The following DCHS1 variants were observed in gnomAD, a reference collection of about 807,000 sequenced individuals.
DCHS1 encodes the protein dachsous cadherin-related 1.
Under a neutral mutation model 213.9 loss-of-function variants are expected in DCHS1, and 78 were observed. That is an observed-to-expected ratio of 0.36 (90% CI 0.30 to 0.44). The LOEUF (loss-of-function observed/expected upper bound fraction) is 0.44. Among genes scored for constraint, DCHS1 ranks in the 20% least tolerant of loss-of-function variants. The probability of loss-of-function intolerance (pLI) is 1.00; values close to 1 mark genes in which losing one functional copy is unlikely to be tolerated. For synonymous variants in DCHS1, 1,828 were observed against 1,873.7 expected (o/e 0.98, Z 0.63); for missense variants, 3,946 against 4,395.9 (o/e 0.90, Z 2.89).
Position 6,622,201 on chromosome 11 carries a change from C to T in DCHS1, c.9475G>A (p.Gly3159Ser). The change falls in exon 21 of 21, where the codon GGC becomes AGC. Residue 3159 changes from glycine (G) to serine (S), a missense_variant. Gly to Ser is a moderately conservative substitution (Grantham distance 56). Transcript: ENST00000299441. The surrounding 1 kb of genome is among the most constrained non-coding windows in gnomAD (Gnocchi z 5.4). ...AGCAGGTAGTCCCAGTTATAGCTGC[C>T]ACGGAGCTCCTCCTCGCCGGCCACA... Reference protein sequence around the residue: ...AIVAGEEELRGSYNWDYLLSW... With the variant: ...AIVAGEEELRSSYNWDYLLSW... 1 of 1,604,658 alleles carries T rather than the reference C, an allele frequency of 6.2e-7. No homozygotes were observed. The highest frequency in any genetic ancestry group is 8.5e-7 in the Non-Finnish European group (1 of 1,177,270).
intron 1 of DCHS1, among the ~76,000 whole-genome samples, chr11:6,645,611 T>C (rs1856143114): frequency 6.6e-6 from 1 of 152,202 alleles, no homozygotes; most frequent in Non-Finnish European, 1.5e-5. Context: ...AAGCAATCTA[T>C]GAATGGTTTG....
chr11:6,638,962 A>C, intron 2 of DCHS1, among the ~76,000 whole-genome samples: 1 of 151,978 alleles, frequency 6.6e-6, no homozygotes, highest in East Asian at 1.9e-4. Context: ...AATACAAAAA[A>C]TTAGCTGGGT....
Position 6,626,407 on chromosome 11 carries a change from T to C in DCHS1, c.6365-27A>G, listed in dbSNP as rs1212890954. 5 of 1,609,766 alleles carry C rather than the reference T, an allele frequency of 3.1e-6. No individual in the cohort carries two copies. Among genetic ancestry groups the C allele is most frequent in the Non-Finnish European group, 4.2e-6 (5 of 1,177,464 alleles). On this transcript the variant is annotated intron_variant, in intron 15 of 20. Transcript: ENST00000299441. This position sits in a 1 kb window ranked among gnomAD's most constrained non-coding sequence, Gnocchi z 5.2. ...TGGGCGAGATAGAATGCATCAGTGATAGCCCCCTTTGCTTGCCCTGGAGCC... is the reference window on the plus strand; with the variant it reads ...TGGGCGAGATAGAATGCATCAGTGACAGCCCCCTTTGCTTGCCCTGGAGCC...
chr11:6,632,227 G>A lies in DCHS1; in HGVS notation c.3285C>T (p.Ile1095=), dbSNP rs545225718. Reference sequence around the variant, plus strand: ...GGGGACTGTGTTCATTCTGGTTGAGGATGCTGACCCTCACGGTGGCTGTGC... The same window carrying A: ...GGGGACTGTGTTCATTCTGGTTGAGAATGCTGACCCTCACGGTGGCTGTGC... ...QTGTATVRVS[I]LNQNEHSPRL... Residue 1095 remains isoleucine, a synonymous_variant, in exon 6 of 21, where the codon ATC becomes ATT. Transcript: ENST00000299441. The surrounding 1 kb of genome is among the most constrained non-coding windows in gnomAD (Gnocchi z 5.9). The A allele has an allele frequency of 6.2e-7, 1 of 1,613,366 alleles. No individual in the cohort carries two copies.
In DCHS1 at chr11:6,621,845, G is replaced by A. The variant is rs746802681; in HGVS notation, c.9831C>T (p.Pro3277=). ...VVSPFGVAQG[P]SASALSAESG... ...ACTCTGCGCTGAGTGCTGAGGCTGA[G>A]GGACCCTGGGCCACCCCAAATGGTG... Residue 3277 remains proline (P), a synonymous_variant, in exon 21 of 21, where the codon CCC becomes CCT. Coordinates refer to ENST00000299441, the MANE Select transcript of DCHS1 (RefSeq NM_003737.4). 5.0e-6 allele frequency: 8 copies of A among 1,610,644 alleles called. No individual in the cohort carries two copies. In the South Asian group the frequency reaches 8.9e-5, roughly 18 times the overall value.
rs1396717447 is a variant in DCHS1, at chr11:6,623,291, G to A, written c.8385C>T (p.Ala2795=). ...TCACTAGCACCGACACAGTGACAGA[G>A]GCTGAGAGATTCCCAGCATCAGCAG... is the stretch of plus-strand genomic sequence containing the variant. ...VGAADAGNLS[A]SVTVSVLVTG... is the part of the protein sequence containing the mutation. Residue 2795 remains alanine, a synonymous_variant, in exon 21 of 21, where the codon GCC becomes GCT. Transcript: ENST00000299441. 1.9e-6 allele frequency: 3 copies of A among 1,588,644 alleles called. No homozygotes were observed. The highest frequency in any genetic ancestry group is 2.6e-6 in the Non-Finnish European group (3 of 1,167,368).
At position 6,622,402 on chromosome 11, in the gene DCHS1, C is replaced by A; in HGVS notation, c.9274G>T (p.Gly3092Cys). ...GGCAGCAGCAGCCCTGCCTTTCGGC[C>A]CTTATACCAGGTGTCAGGGGCAGGT... is the stretch of plus-strand genomic sequence containing the variant. Reference protein sequence around the residue: ...EPPAPDTWYKGRKAGLLLPGA... With the variant: ...EPPAPDTWYKCRKAGLLLPGA... Residue 3092 changes from glycine (G) to cysteine (C), a missense_variant, in exon 21 of 21, where the codon GGC becomes TGC. Physicochemically the swap from Gly to Cys is radical, Grantham distance 159 (BLOSUM62 -3). Coordinates refer to ENST00000299441, the MANE Select transcript of DCHS1 (RefSeq NM_003737.4). The surrounding 1 kb of genome is among the most constrained non-coding windows in gnomAD (Gnocchi z 5.4). The A allele has an allele frequency of 1.3e-6, 2 of 1,556,778 alleles. No individual in the cohort carries two copies. Among genetic ancestry groups the A allele is most frequent in the South Asian group, 1.2e-5 (1 of 84,236 alleles).
At chr11:6,638,096 G>T (rs902695084) in intron 2 of DCHS1, among the ~76,000 whole-genome samples, 1 of 152,172 alleles carries the variant, frequency 6.6e-6, no homozygotes, top group African/African-American at 2.4e-5. Flanking sequence ...GAGTAAACAC[G>T]TGGAAGAGTG....
Position 6,628,674 on chromosome 11 carries a change from C to T in DCHS1, c.5318G>A (p.Arg1773Gln), listed in dbSNP as rs746615927. 6.8e-6 allele frequency: 11 copies of T among 1,613,972 alleles called. No individual in the cohort carries two copies. Among genetic ancestry groups the T allele is most frequent in the South Asian group, 3.3e-5 (3 of 91,078 alleles). ...GGCTCCCACATCTGGATCAGAGGCC[C>T]GAAGCATGGTAAGGGTCTGGGGGTC... is the stretch of plus-strand genomic sequence containing the variant. Reference protein sequence around the residue: ...GQDPQTLTMLRASDPDVGANG... With the variant: ...GQDPQTLTMLQASDPDVGANG... Residue 1773 changes from arginine (R) to glutamine (Q), a missense_variant, in exon 13 of 21, where the codon CGG becomes CAG. Coordinates refer to ENST00000299441, the MANE Select transcript of DCHS1 (RefSeq NM_003737.4). This position sits in a 1 kb window ranked among gnomAD's most constrained non-coding sequence, Gnocchi z 4.3.
chr11:6,640,148 C>T lies in DCHS1; in HGVS notation c.1466G>A (p.Gly489Asp), dbSNP rs375936378. The change falls in exon 2 of 21, where the codon GGC (glycine) becomes GAC (aspartate). Residue 489 changes from glycine (G) to aspartate (D), a missense_variant. Coordinates refer to ENST00000299441, the MANE Select transcript of DCHS1 (RefSeq NM_003737.4). This position sits in a 1 kb window ranked among gnomAD's most constrained non-coding sequence, Gnocchi z 6.5. The stretch of plus-strand genomic sequence containing the variant: ...AGCAGTCACCCGCACTACAAAGCTG[C>T]CAGGCAGCGCAACCTCAGGCAGGGG... ...PEPLPEVALP[G>D]SFVVRVTARD... is the part of the protein sequence containing the mutation. 10 of 1,613,612 alleles carry T rather than the reference C, an allele frequency of 6.2e-6. No homozygotes were observed.
In DCHS1 at chr11:6,641,888, A is replaced by G. The variant is rs1856082110; in HGVS notation, c.-120-155T>C. ...CTTGGGCCACACGGATCTCTGCCTC[A>G]GGACTCTTCGAGGCCACTCCAGCCT... On this transcript the variant is annotated intron_variant, in intron 1 of 20. Coordinates refer to ENST00000299441, the MANE Select transcript of DCHS1 (RefSeq NM_003737.4). The surrounding 1 kb of genome is among the most constrained non-coding windows in gnomAD (Gnocchi z 7.1). 6.6e-6 allele frequency among the ~76,000 whole-genome samples: 1 copy of G among 152,162 alleles called. No individual in the cohort carries two copies. The highest frequency in any genetic ancestry group is 2.4e-5 in the African/African-American group (1 of 41,446).
In DCHS1 at chr11:6,628,945, T is replaced by C. The variant is rs1255989540; in HGVS notation, c.5162-115A>G. The C allele has an allele frequency of 1.2e-5, 13 of 1,053,100 alleles. No homozygotes were observed. The highest frequency in any genetic ancestry group is 4.5e-4 in the Middle Eastern group (2 of 4,410). 65.2% of individuals were successfully genotyped at this position (1,053,100 alleles called of 1,614,324 possible). ...GCACACAAACCAGAAAATGTCCATC[T>C]CTCCATACCTCTCAGGCACACATGT... On this transcript the variant is annotated intron_variant, in intron 12 of 20. Transcript: ENST00000299441. The surrounding 1 kb of genome is among the most constrained non-coding windows in gnomAD (Gnocchi z 4.3).
Position 6,632,817 on chromosome 11 carries a change from C to G in DCHS1, c.2695G>C (p.Asp899His). Residue 899 changes from aspartate to histidine, a missense_variant, in exon 6 of 21, where the codon GAC becomes CAC. Asp to His is a moderately conservative substitution (Grantham distance 81, BLOSUM62 -1). Coordinates refer to ENST00000299441, the MANE Select transcript of DCHS1 (RefSeq NM_003737.4). The surrounding 1 kb of genome is among the most constrained non-coding windows in gnomAD (Gnocchi z 5.9). Reference sequence around the variant, plus strand: ...GTGTTTGGTGGTAGCAATACCGTGTCTTCAGGTGCAGGAAAGGCAGGGGAG... The same window carrying G: ...GTGTTTGGTGGTAGCAATACCGTGTGTTCAGGTGCAGGAAAGGCAGGGGAG... ...DNSPAFPAPE[D>H]TVLLPPNTAP... 6.2e-7 allele frequency: 1 copy of G among 1,613,982 alleles called. No homozygotes were observed. Among genetic ancestry groups the G allele is most frequent in the Non-Finnish European group, 8.5e-7 (1 of 1,179,872 alleles).
rs749886693 is a variant in DCHS1, at chr11:6,621,910, G to A, written c.9766C>T (p.Pro3256Ser). 2.4e-5 allele frequency: 39 copies of A among 1,613,106 alleles called. No homozygotes were observed. The East Asian group carries it at 6.0e-4, about 25-fold the overall frequency. The part of the protein sequence containing the change: ...SSAAMSPSFS[P>S]SLSPLAARSP... ...CGAGCAGCCAGAGGAGACAGAGAGG[G>A]TGAGAAGCTGGGGGACATGGCAGCT... is the stretch of plus-strand genomic sequence containing the variant. Residue 3256 changes from proline to serine, a missense_variant, in exon 21 of 21, where the codon CCC becomes TCC. By Grantham distance (74) the Pro-to-Ser change is moderately conservative. This residue lies in a region of DCHS1 where 554 missense variants were observed against 590.2 expected (regional missense o/e 0.94). Transcript: ENST00000299441.
chr11:6,629,494 G>A lies in DCHS1; in HGVS notation c.5119C>T (p.Arg1707Trp), dbSNP rs369652569. 3.1e-6 allele frequency: 5 copies of A among 1,612,934 alleles called. No homozygotes were observed. The highest frequency in any genetic ancestry group is 2.2e-5 in the East Asian group (1 of 44,880). The stretch of plus-strand genomic sequence containing the variant: ...TCCTGTTCCTCTCGATCCAGGGCCC[G>A]AAGAGTCGTGAGAACACCAGTGTCA... The part of the protein sequence containing the change: ...DPDTGVLTTL[R>W]ALDREEQEEI... The change falls in exon 12 of 21, where the codon CGG becomes TGG. Residue 1707 changes from arginine to tryptophan, a missense_variant. Arg to Trp is a moderately radical substitution (Grantham distance 101). Transcript: ENST00000299441.
chr11:6,632,175 C>A lies in DCHS1; in HGVS notation c.3337G>T (p.Ala1113Ser). 1.3e-6 allele frequency: 2 copies of A among 1,598,612 alleles called. No individual in the cohort carries two copies. Among genetic ancestry groups the A allele is most frequent in the Non-Finnish European group, 1.7e-6 (2 of 1,169,264 alleles). Residue 1113 changes from alanine (A) to serine (S), a missense_variant, in exon 6 of 21, where the codon GCT (alanine) becomes TCT (serine). Coordinates refer to ENST00000299441, the MANE Select transcript of DCHS1 (RefSeq NM_003737.4). This position sits in a 1 kb window ranked among gnomAD's most constrained non-coding sequence, Gnocchi z 5.9. ...CCTGGGGGCTGGTTCTCAGCCACAG[C>A]CAGGAAGGTGGGATCCTCAGACAAG... ...PRLSEDPTFLAVAENQPPGTS... is the reference protein window; with the variant it reads ...PRLSEDPTFLSVAENQPPGTS...
rs1328076529 is a variant in DCHS1, at chr11:6,621,564, C to T, written c.*215G>A. ...GGGCTGCTACCTCCTTCATATTTCT[C>T]CCCACATTGGACCTGGTCACAGGTC... On this transcript the variant is annotated 3_prime_UTR_variant, in exon 21 of 21. Transcript: ENST00000299441. The T allele has an allele frequency of 8.6e-6, 6 of 700,572 alleles. No individual in the cohort carries two copies. Among genetic ancestry groups the T allele is most frequent in the Non-Finnish European group, 1.3e-5 (5 of 386,996 alleles). The allele number at this position is 700,572 out of a possible 1,614,324, so 43.4% of individuals were successfully genotyped here.
chr11:6,627,234 T>C lies in DCHS1; in HGVS notation c.5805A>G (p.Ala1935=). The change falls in exon 14 of 21, where the codon GCA becomes GCG. Residue 1935 remains alanine (A), a synonymous_variant. Transcript: ENST00000299441. This position sits in a 1 kb window ranked among gnomAD's most constrained non-coding sequence, Gnocchi z 5.4. ...CTGTGGTGCTTAGGGGCCCAGCAGCTGCACCATCCACTGCACTCACAGAAA... is the reference window on the plus strand; with the variant it reads ...CTGTGGTGCTTAGGGGCCCAGCAGCCGCACCATCCACTGCACTCACAGAAA... ...YTFSVSAVDG[A]AAGPLSTTVS... 1 of 1,613,162 alleles carries C rather than the reference T, an allele frequency of 6.2e-7. No homozygotes were observed. The highest frequency in any genetic ancestry group is 8.5e-7 in the Non-Finnish European group (1 of 1,179,852).
Position 6,641,420 on chromosome 11 carries a change from C to T in DCHS1, c.194G>A (p.Ser65Asn), listed in dbSNP as rs1483047083. 2 of 1,613,064 alleles carry T rather than the reference C, an allele frequency of 1.2e-6. No individual in the cohort carries two copies. The highest frequency in any genetic ancestry group is 2.2e-5 in the South Asian group (2 of 90,992). The change falls in exon 2 of 21, where the codon AGT becomes AAT. Residue 65 changes from serine (S) to asparagine (N), a missense_variant. By Grantham distance (46) the Ser-to-Asn change is conservative. Coordinates refer to ENST00000299441, the MANE Select transcript of DCHS1 (RefSeq NM_003737.4). The surrounding 1 kb of genome is among the most constrained non-coding windows in gnomAD (Gnocchi z 7.1). The stretch of plus-strand genomic sequence containing the variant: ...TGCCGTGCCTGCCGGAAGCCCCGCA[C>T]TGATGTCGCCAATCAGTGTACCCGC... ...QPAGTLIGDI[S>N]AGLPAGTAAP...
Sources: allele counts gnomAD v4.1 joint callset (sites outside exome capture counted in the v4.1 genomes callset), GRCh38; gene constraint gnomAD v4.1.1; regional missense constraint gnomAD v4.1.1; non-coding constraint Gnocchi (gnomAD v3.1); transcripts MANE v1.5; gene names NCBI Gene and HGNC (gene_info 2026-07-23, HGNC 2026-07-21).